Variants in RBFOX1 observed in about 807,000 individuals in gnomAD.
RBFOX1 encodes RNA binding protein fox-1 homolog 1.
RBFOX1 carries 8 observed loss-of-function variants against 57.7 expected under a neutral mutation model. The observed-to-expected ratio is 0.14, with a 90% CI of 0.08 to 0.25. RBFOX1 has a LOEUF of 0.25. Ranked by LOEUF, RBFOX1 falls within the 10% of genes least tolerant of loss-of-function variation. The probability of loss-of-function intolerance (pLI) is 1.00; values close to 1 mark genes in which losing one functional copy is unlikely to be tolerated. For missense variants in RBFOX1, 611 were observed against 548.5 expected, an observed-to-expected ratio of 1.11 and a Z score of -1.14; for synonymous variants, 326 against 222.4, an observed-to-expected ratio of 1.47 and a Z score of -4.15.
chr16:5,297,227 AAT>A (rs1276630340), intron 1 of RBFOX1, among the ~76,000 whole-genome samples: 1 of 152,174 alleles, frequency 6.6e-6, no homozygotes, highest in Non-Finnish European at 1.5e-5. Flanking sequence ...TGGGAGTGCA[AAT>A]ATCTCTTCAA....
intron 3 of RBFOX1, among the ~76,000 whole-genome samples, chr16:5,802,057 T>C (rs184730369): frequency 2.0e-5 from 3 of 152,236 alleles, no homozygotes; most frequent in African/African-American, 4.8e-5. Flanking sequence ...AGATTAAATC[T>C]GATTCGCAGG....
intron 1 of RBFOX1, among the ~76,000 whole-genome samples, chr16:6,267,059 C>T (rs1433877961): frequency 1.3e-5 from 2 of 152,096 alleles, no homozygotes; most frequent in South Asian, 2.1e-4. Flanking sequence ...AAGCGGTATC[C>T]ACCTCTATGG....
intron 5 of RBFOX1, among the ~76,000 whole-genome samples, chr16:7,528,508 C>A (rs990685890): frequency 6.6e-6 from 1 of 152,104 alleles, no homozygotes; most frequent in Non-Finnish European, 1.5e-5. Flanking sequence ...AGAGGGGTCT[C>A]ACTCCATCAC....
At chr16:6,889,142 T>C (rs1361134095) in intron 3 of RBFOX1, among the ~76,000 whole-genome samples, 1 of 152,208 alleles carries the variant, frequency 6.6e-6, no homozygotes, top group African/African-American at 2.4e-5. Flanking sequence ...CTCCAATCTA[T>C]TACTGTAACA....
At chr16:6,710,485 C>A (rs2063528231) in intron 3 of RBFOX1, among the ~76,000 whole-genome samples, 1 of 152,130 alleles carries the variant, frequency 6.6e-6, no homozygotes, top group Admixed American at 6.5e-5. Flanking sequence ...TGACAGTGCA[C>A]CTCCATTTAA....
chr16:6,611,811 C>T (rs2098060172), intron 2 of RBFOX1, among the ~76,000 whole-genome samples: 2 of 152,110 alleles, frequency 1.3e-5, no homozygotes, highest in South Asian at 4.1e-4. Flanking sequence ...CCTGAGTCCT[C>T]CCTCAGGGCC....
At chr16:7,331,880 C>G (rs1485281115) in intron 4 of RBFOX1, among the ~76,000 whole-genome samples, 3 of 151,996 alleles carry the variant, frequency 2.0e-5, no homozygotes, top group Non-Finnish European at 4.4e-5. Context: ...GTAACATATC[C>G]CAAATGATTG....
chr16:7,488,776 A>G (rs1221181738), intron 4 of RBFOX1, among the ~76,000 whole-genome samples: 1 of 152,186 alleles, frequency 6.6e-6, no homozygotes, highest in African/African-American at 2.4e-5. Context: ...GTATATGTAT[A>G]CATCTATCTA....
At chr16:6,378,946 A>T (rs1402696055) in intron 2 of RBFOX1, among the ~76,000 whole-genome samples, 1 of 152,086 alleles carries the variant, frequency 6.6e-6, no homozygotes, top group African/African-American at 2.4e-5. Context: ...TTGAGAGAGG[A>T]TTGGCCCTGG....
At chr16:5,776,874 G>A (rs1027155429) in intron 3 of RBFOX1, among the ~76,000 whole-genome samples, 2 of 152,192 alleles carry the variant, frequency 1.3e-5, no homozygotes, top group African/African-American at 4.8e-5. Flanking sequence ...CATCAAACAC[G>A]GTGGCCATTT....
At chr16:7,427,724 C>T (rs1646646611) in intron 4 of RBFOX1, among the ~76,000 whole-genome samples, 1 of 151,630 alleles carries the variant, frequency 6.6e-6, no homozygotes, top group African/African-American at 2.4e-5. Context: ...CTGGATCTCA[C>T]CTCACTGCAA....
chr16:7,026,177 T>G, intron 3 of RBFOX1, among the ~76,000 whole-genome samples: 1 of 152,156 alleles, frequency 6.6e-6, no homozygotes, highest in East Asian at 1.9e-4. Flanking sequence ...ACCCAACTTC[T>G]TGGGGCCTAC....
chr16:7,651,194 A>G (rs541691496), intron 11 of RBFOX1, among the ~76,000 whole-genome samples: 2 of 152,320 alleles, frequency 1.3e-5, no homozygotes, highest in South Asian at 4.1e-4. Flanking sequence ...AATCCATAGA[A>G]CAGGACGGCT....
chr16:7,145,589 C>T (rs1032925194), intron 4 of RBFOX1, among the ~76,000 whole-genome samples: 2 of 152,090 alleles, frequency 1.3e-5, no homozygotes, highest in African/African-American at 4.8e-5. Flanking sequence ...TATGCACTTA[C>T]TGTGTTTTAC....
At chr16:5,318,823 C>G (rs948534203) in intron 1 of RBFOX1, among the ~76,000 whole-genome samples, 1 of 152,136 alleles carries the variant, frequency 6.6e-6, no homozygotes, top group African/African-American at 2.4e-5. Flanking sequence ...GACCTAATTG[C>G]GTGAGCCCTT....
At chr16:5,318,468 G>T (rs949836606) in intron 1 of RBFOX1, among the ~76,000 whole-genome samples, 2 of 152,096 alleles carry the variant, frequency 1.3e-5, no homozygotes, top group African/African-American at 4.8e-5. Context: ...CCATGAATTT[G>T]CCTTCTCATG....
intron 4 of RBFOX1, among the ~76,000 whole-genome samples, chr16:7,191,695 T>G (rs2085429202): frequency 6.6e-6 from 1 of 152,276 alleles, no homozygotes; most frequent in Admixed American, 6.5e-5. Context: ...GATTAAATAC[T>G]GTCTTCAGTT....
intron 1 of RBFOX1, among the ~76,000 whole-genome samples, chr16:6,164,402 C>T (rs1418047209): frequency 6.6e-6 from 1 of 151,648 alleles, no homozygotes; most frequent in African/African-American, 2.4e-5. Flanking sequence ...TCTTGCATTT[C>T]CAAAATATAT....
intron 3 of RBFOX1, among the ~76,000 whole-genome samples, chr16:5,645,945 C>T (rs560623213): frequency 6.6e-6 from 1 of 152,196 alleles, no homozygotes; most frequent in African/African-American, 2.4e-5. Flanking sequence ...AAGTGATTTT[C>T]CTGCCCCAGG....
Sources: gnomAD v4.1 joint callset for allele counts (sites outside exome capture counted in the v4.1 genomes callset) on GRCh38, gnomAD v4.1.1 for gene constraint, MANE v1.5 for transcripts, NCBI Gene and HGNC (gene_info 2026-07-23, HGNC 2026-07-21) for gene names.